Variants in ACP3 observed in about 807,000 individuals in gnomAD.
ACP3 encodes acid phosphatase 3, also known as prostatic acid phosphatase.
ACP3 carries 38 observed loss-of-function variants against 45.6 expected under a neutral mutation model. That is an observed-to-expected ratio of 0.83 (90% CI 0.64 to 1.09). The LOEUF (loss-of-function observed/expected upper bound fraction) is 1.09, where lower values mean the gene tolerates loss of function less well. Ranked by LOEUF, ACP3 falls within the 50% of genes least tolerant of loss-of-function variation. The probability of loss-of-function intolerance (pLI) is 0.00; values close to 1 mark genes in which losing one functional copy is unlikely to be tolerated. For missense variants in ACP3, 466 were observed against 463.2 expected, an observed-to-expected ratio of 1.01 and a Z score of -0.05; for synonymous variants, 162 against 164.7, an observed-to-expected ratio of 0.98 and a Z score of 0.13.
At chr3:132,336,429 G>A (rs890381940) in intron 4 of ACP3, among the ~76,000 whole-genome samples, 2 of 152,136 alleles carry the variant, frequency 1.3e-5, no homozygotes, top group Admixed American at 1.3e-4. Flanking sequence ...AAAAAAAAGC[G>A]GTCTATTTTG....
At chr3:132,328,453 C>T (rs1342927107) in intron 2 of ACP3, 91 bp downstream of exon 2, 55 of 1,034,570 alleles carry the variant, frequency 5.3e-5, no homozygotes, top group African/African-American at 1.8e-4. Context: ...CCGAGGCAGG[C>T]GGATCAACTG....
At chr3:132,365,859 C>T (rs185305720) in intron 10 of ACP3, among the ~76,000 whole-genome samples, 26 of 152,112 alleles carry the variant, frequency 1.7e-4, no homozygotes, top group Middle Eastern at 3.4e-3. Context: ...GGCATTGTAG[C>T]GGGCACCTGT....
chr3:132,329,913 CTTT>C (rs59644798), intron 2 of ACP3, among the ~76,000 whole-genome samples: 4 of 119,934 alleles, frequency 3.3e-5, no homozygotes, highest in Admixed American at 8.4e-5. Flanking sequence ...TGTCTAGGTA[CTTT>C]TTTTTTTTTT....
intron 8 of ACP3, among the ~76,000 whole-genome samples, chr3:132,350,260 T>C (rs1192598022): frequency 1.3e-5 from 2 of 152,072 alleles, no homozygotes; most frequent in African/African-American, 4.8e-5. Context: ...CCTCAGAAAA[T>C]CTAGCCATCC....
At chr3:132,325,513 T>C (rs1046352296) in intron 1 of ACP3, among the ~76,000 whole-genome samples, 3 of 151,732 alleles carry the variant, frequency 2.0e-5, no homozygotes, top group African/African-American at 7.3e-5. Flanking sequence ...ATAACCTCAG[T>C]TCTATTCTTT....
intron 3 of ACP3, 74 bp downstream of exon 3, chr3:132,331,807 T>A (rs1369721787): frequency 2.4e-6 from 3 of 1,266,586 alleles, no homozygotes; most frequent in Non-Finnish European, 3.3e-6. Flanking sequence ...ATAAAAGTGC[T>A]TTGCCTGTTT....
chr3:132,337,571 G>A lies in ACP3; in HGVS notation c.555+17G>A. The A allele has an allele frequency of 2.0e-6, 3 of 1,524,600 alleles. No homozygotes were observed. The highest frequency in any genetic ancestry group is 1.7e-5 in the Admixed American group (1 of 57,802). The allele number at this position is 1,524,600 out of a possible 1,614,324, so 94.4% of individuals were successfully genotyped here. The stretch of plus-strand genomic sequence containing the variant: ...CCTTATAAGGTTAAAAGCTAGTTTT[G>A]TTTAGTGGTACTTGTTAGTTTGTTA... On this transcript the variant is annotated intron_variant, in intron 5 of 9. Coordinates refer to ENST00000336375, the MANE Select transcript of ACP3 (RefSeq NM_001099.5).
intron 10 of ACP3, among the ~76,000 whole-genome samples, chr3:132,366,903 A>C (rs929754859): frequency 1.1e-4 from 16 of 152,160 alleles, no homozygotes; most frequent in Non-Finnish European, 2.1e-4. Context: ...GAAATCAGTG[A>C]TTTTCACCTG....
chr3:132,332,293 C>G lies in ACP3; in HGVS notation c.405C>G (p.Ile135Met), dbSNP rs1397069483. The G allele has an allele frequency of 1.2e-6, 2 of 1,614,100 alleles. No homozygotes were observed. The change falls in exon 4 of 10, where the codon ATC becomes ATG. Residue 135 changes from isoleucine (I) to methionine (M), a missense_variant. Coordinates refer to ENST00000336375, the MANE Select transcript of ACP3 (RefSeq NM_001099.5). ...PPEGVSIWNP[I>M]LLWQPIPVHT... is the part of the protein sequence containing the mutation. ...AAGGTGTCAGCATCTGGAATCCTAT[C>G]CTACTCTGGCAGCCCATCCCGGTGC...
intron 4 of ACP3, 198 bp downstream of exon 4, chr3:132,332,542 G>A: frequency 1.6e-6 from 1 of 627,242 alleles, no homozygotes; most frequent in Non-Finnish European, 2.7e-6. Context: ...ATTTCTCTTT[G>A]GATCTGTATG....
chr3:132,332,146 T>C, intron 3 of ACP3, 46 bp from the exon 4 acceptor site: 4 of 1,612,446 alleles, frequency 2.5e-6, no homozygotes, highest in Non-Finnish European at 3.4e-6. Flanking sequence ...GAAAAAAACC[T>C]CATGCTCCCT....
chr3:132,359,871 A>G (rs947838105), downstream of ACP3, among the ~76,000 whole-genome samples: 1 of 152,198 alleles, frequency 6.6e-6, no homozygotes, highest in Admixed American at 6.5e-5. Context: ...GGCAGCTCCA[A>G]TGTGGCAGGA....
At chr3:132,363,496 A>T (rs1014763768), downstream of ACP3, among the ~76,000 whole-genome samples, 2 of 152,190 alleles carry the variant, frequency 1.3e-5, no homozygotes, top group Non-Finnish European at 2.9e-5. Context: ...ATTCTACTGC[A>T]TCTCTTGAAT....
chr3:132,352,594 T>A (rs1296344717), intron 8 of ACP3, 126 bp from the exon 9 acceptor site: 1 of 678,800 alleles, frequency 1.5e-6, no homozygotes, highest in Non-Finnish European at 2.6e-6. Flanking sequence ...CTTCTCTACT[T>A]ATTAAGTCAT....
intron 6 of ACP3, among the ~76,000 whole-genome samples, chr3:132,344,637 G>T (rs942362230): frequency 3.9e-5 from 6 of 152,152 alleles, no homozygotes; most frequent in African/African-American, 1.4e-4. Flanking sequence ...ATAAAGGAAT[G>T]AGGTATTATT....
At chr3:132,350,295 G>A (rs151103259) in intron 8 of ACP3, among the ~76,000 whole-genome samples, 1 of 152,332 alleles carries the variant, frequency 6.6e-6, no homozygotes, top group Non-Finnish European at 1.5e-5. Flanking sequence ...GGGTGGAGAA[G>A]AGAAGCAGAA....
At position 132,357,833 on chromosome 3, in the gene ACP3, A is replaced by AGT; in HGVS notation, c.*956_*957insTG. The stretch of plus-strand genomic sequence containing the variant: ...CAGATCACTTGAGCTCAGGAGGTCA[A>AGT]GATCAGCCTGGGCAACATGGTGAAA... On this transcript the variant is annotated 3_prime_UTR_variant, in exon 10 of 10. Coordinates refer to ENST00000336375, the MANE Select transcript of ACP3 (RefSeq NM_001099.5). The AGT allele has an allele frequency of 1.4e-6, 1 of 697,874 alleles. No homozygotes were observed. Among genetic ancestry groups the AGT allele is most frequent in the Non-Finnish European group, 1.8e-6 (1 of 567,226 alleles). The allele number at this position is 697,874 out of a possible 1,614,324, so 43.2% of individuals were successfully genotyped here.
intron 4 of ACP3, 173 bp from the exon 5 acceptor site, chr3:132,337,283 A>G (rs1937507733): frequency 2.0e-6 from 1 of 501,910 alleles, no homozygotes; most frequent in Non-Finnish European, 3.6e-6. Context: ...TTTAAGACCT[A>G]TAGATCATTT....
intron 10 of ACP3, among the ~76,000 whole-genome samples, chr3:132,366,979 A>G (rs1163401662): frequency 6.6e-6 from 1 of 152,210 alleles, no homozygotes; most frequent in African/African-American, 2.4e-5. Flanking sequence ...TTGCTCTCCT[A>G]TTGCCTAAGC....
Sources: gnomAD v4.1 joint callset for allele counts (sites outside exome capture counted in the v4.1 genomes callset) on GRCh38, gnomAD v4.1.1 for gene constraint, MANE v1.5 for transcripts, NCBI Gene and HGNC (gene_info 2026-07-23, HGNC 2026-07-21) for gene names.